PCCA: variants seen among roughly 807,000 people sequenced by gnomAD.
PCCA encodes propionyl-CoA carboxylase alpha chain, mitochondrial.
In PCCA, 74 loss-of-function variants were observed where a neutral mutation model predicts 101.3. The observed-to-expected ratio is 0.73, with a 90% CI of 0.61 to 0.89. The LOEUF is 0.89. PCCA is among the 40% of genes least tolerant of loss of function. The pLI is 0.00. For missense variants in PCCA, 891 were observed against 907.0 expected, an observed-to-expected ratio of 0.98 and a Z score of 0.23; for synonymous variants, 294 against 313.6, an observed-to-expected ratio of 0.94 and a Z score of 0.66.
chr13:100,257,594 G>A lies in PCCA; in HGVS notation c.638-1G>A. 6.2e-7 allele frequency: 1 copy of A among 1,611,972 alleles called. No homozygotes were observed. The highest frequency in any genetic ancestry group is 8.5e-7 in the Non-Finnish European group (1 of 1,178,550). ...TCTGTCTAATTCTTCCCTGCTGTTA[G>A]GCTACCCTGTCATGATCAAGGCCTC... On this transcript the variant is annotated splice_acceptor_variant, in intron 8 of 23. Transcript: ENST00000376285. LOFTEE classifies it high-confidence loss of function.
chr13:100,482,208 G>A (rs536851129), intron 21 of PCCA, among the ~76,000 whole-genome samples: 1 of 152,362 alleles, frequency 6.6e-6, no homozygotes, highest in South Asian at 2.1e-4. Context: ...TTGGTCGTGA[G>A]TGCAAGTGTG....
intron 19 of PCCA, among the ~76,000 whole-genome samples, chr13:100,400,386 C>A (rs1304924841): frequency 6.6e-6 from 1 of 152,088 alleles, no homozygotes; most frequent in Non-Finnish European, 1.5e-5. Flanking sequence ...AACTACATCA[C>A]CTGACAAGCT....
intron 2 of PCCA, among the ~76,000 whole-genome samples, chr13:100,105,512 C>T (rs2047669881): frequency 6.6e-6 from 1 of 151,996 alleles, no homozygotes. Flanking sequence ...GGTAGCCTTC[C>T]TCATTAGCGT....
At chr13:100,436,790 G>C (rs1215198669) in intron 20 of PCCA, among the ~76,000 whole-genome samples, 3 of 152,168 alleles carry the variant, frequency 2.0e-5, no homozygotes, top group Admixed American at 6.5e-5. Context: ...GTGGGTGAAT[G>C]GGTAAGTGGA....
In PCCA at chr13:100,117,521, G is replaced by A. The variant is rs572562691; in HGVS notation, c.300+5460G>A. 1.7e-3 allele frequency among the ~76,000 whole-genome samples: 263 copies of A among 151,800 alleles called. 1 individual carries two copies. The highest frequency in any genetic ancestry group is 3.1e-3 in the Non-Finnish European group (212 of 67,954). On this transcript the variant is annotated intron_variant, in intron 4 of 23. Transcript: ENST00000376285. ...CATCATTCTCAGCAAACTATCACAG[G>A]GACAGAAAACAAAACACTGCACGTT...
intron 6 of PCCA, among the ~76,000 whole-genome samples, chr13:100,201,026 T>C (rs2058453391): frequency 1.3e-5 from 2 of 152,174 alleles, no homozygotes; most frequent in Admixed American, 1.3e-4. Context: ...ATTTGTCTTG[T>C]CCTGTGCTAT....
intron 21 of PCCA, among the ~76,000 whole-genome samples, chr13:100,473,586 C>A (rs948258792): frequency 6.6e-6 from 1 of 152,204 alleles, no homozygotes; most frequent in Non-Finnish European, 1.5e-5. Context: ...CTTGAAAAAT[C>A]TCATCTCTAG....
intron 23 of PCCA, among the ~76,000 whole-genome samples, chr13:100,529,509 G>A (rs990891892): frequency 3.3e-5 from 5 of 152,078 alleles, no homozygotes; most frequent in Admixed American, 1.3e-4. Flanking sequence ...GACTGAAACC[G>A]GTAGGACAAA....
At chr13:100,274,093 C>G (rs1007450826) in intron 12 of PCCA, among the ~76,000 whole-genome samples, 1 of 152,176 alleles carries the variant, frequency 6.6e-6, no homozygotes, top group Non-Finnish European at 1.5e-5. Flanking sequence ...ATTTTCTTCT[C>G]CTTCTCAATG....
intron 18 of PCCA, among the ~76,000 whole-genome samples, chr13:100,365,355 TG>T (rs1370384842): frequency 1.3e-5 from 2 of 152,188 alleles, no homozygotes; most frequent in African/African-American, 4.8e-5. Flanking sequence ...ACTTAGGTTT[TG>T]GAGAGTGGCA....
intron 6 of PCCA, among the ~76,000 whole-genome samples, chr13:100,162,819 G>A (rs1220684353): frequency 6.6e-6 from 1 of 152,132 alleles, no homozygotes; most frequent in African/African-American, 2.4e-5. Flanking sequence ...GGATTTGGAG[G>A]AGAAAGTTCT....
In PCCA at chr13:100,494,159, A is replaced by G. The variant is rs769168862; in HGVS notation, c.1900-21268A>G. Among the ~76,000 whole-genome samples the G allele has an allele frequency of 9.9e-5, 15 of 152,080 alleles. 1 individual carries two copies. The highest frequency in any genetic ancestry group is 5.9e-5 in the Non-Finnish European group (4 of 68,032). Reference sequence around the variant, plus strand: ...AGCTGAGATCATGCCACTGTACTCCAGCCTGGTGACAGAGGAGACTCTGTC... The same window carrying G: ...AGCTGAGATCATGCCACTGTACTCCGGCCTGGTGACAGAGGAGACTCTGTC... On this transcript the variant is annotated intron_variant, in intron 21 of 23. Coordinates refer to ENST00000376285, the MANE Select transcript of PCCA (RefSeq NM_000282.4).
At chr13:100,410,165 C>G (rs1253013489) in intron 19 of PCCA, among the ~76,000 whole-genome samples, 3 of 152,218 alleles carry the variant, frequency 2.0e-5, no homozygotes, top group African/African-American at 7.2e-5. Context: ...CAAAACGTGA[C>G]TGTCCAAATA....
chr13:100,355,372 G>A (rs1384976474), intron 18 of PCCA, among the ~76,000 whole-genome samples: 2 of 152,098 alleles, frequency 1.3e-5, no homozygotes, highest in African/African-American at 4.8e-5. Context: ...TTGGAGAGAA[G>A]TCAACTTACC....
At chr13:100,094,942 A>G (rs1042670215) in intron 1 of PCCA, among the ~76,000 whole-genome samples, 18 of 152,182 alleles carry the variant, frequency 1.2e-4, no homozygotes, top group African/African-American at 4.1e-4. Context: ...CTGCTGTACA[A>G]ATGACCATGG....
chr13:100,486,834 G>A (rs946492317), intron 21 of PCCA, among the ~76,000 whole-genome samples: 2 of 152,088 alleles, frequency 1.3e-5, no homozygotes, highest in Non-Finnish European at 2.9e-5. Context: ...TGGCAGGATC[G>A]CTTGAGCCCA....
chr13:100,277,316 G>A (rs539891767), intron 12 of PCCA, among the ~76,000 whole-genome samples: 2 of 152,300 alleles, frequency 1.3e-5, no homozygotes, highest in East Asian at 1.9e-4. Context: ...CAAAAGTATA[G>A]CTTATATTCA....
rs146527970 is a variant in PCCA, at chr13:100,487,222, T to G, written c.1900-28205T>G. Among the ~76,000 whole-genome samples, 247 of 152,252 alleles carry G rather than the reference T, an allele frequency of 1.6e-3. 3 individuals carry two copies. Among genetic ancestry groups the G allele is most frequent in the African/African-American group, 5.7e-3 (236 of 41,556 alleles). On this transcript the variant is annotated intron_variant, in intron 21 of 23. Coordinates refer to ENST00000376285, the MANE Select transcript of PCCA (RefSeq NM_000282.4). ...ATTGTTACCTGTATAATAGAACAAA[T>G]TAAGGGCAGAGGTTCTGAACTGAAG...
At chr13:100,287,351 AAAAG>A (rs1418022597) in intron 12 of PCCA, among the ~76,000 whole-genome samples, 2 of 152,138 alleles carry the variant, frequency 1.3e-5, no homozygotes, top group African/African-American at 4.8e-5. Context: ...TAACAGAAGA[AAAAG>A]AAATTAAAAT....
Sources: allele counts gnomAD v4.1 joint callset (sites outside exome capture counted in the v4.1 genomes callset), GRCh38; gene constraint gnomAD v4.1.1; transcripts MANE v1.5; gene names NCBI Gene and HGNC (gene_info 2026-07-23, HGNC 2026-07-21).